TTC7A: variants seen among roughly 807,000 people sequenced by gnomAD.
TTC7A encodes tetratricopeptide repeat domain 7A.
TTC7A carries 110 observed loss-of-function variants against 103.7 expected under a neutral mutation model. The ratio of observed to expected loss-of-function variants is 1.06; its 90% CI spans 0.91 to 1.24. TTC7A has a LOEUF of 1.24. Among genes scored for constraint, TTC7A ranks in the 50% most tolerant of loss-of-function variants. The pLI is 0.00. For synonymous variants in TTC7A, 521 were observed against 467.9 expected (o/e 1.11, Z -1.47); for missense variants, 1,340 against 1,116.3 (o/e 1.20, Z -2.86).
At chr2:47,012,501 C>T (rs756423522) in intron 11 of TTC7A, among the ~76,000 whole-genome samples, 26 of 152,202 alleles carry the variant, frequency 1.7e-4, no homozygotes, top group Non-Finnish European at 3.4e-4. Flanking sequence ...CCATTGTGTG[C>T]CCAGCTTGTT....
At chr2:47,051,452 G>C (rs916224620) in intron 17 of TTC7A, among the ~76,000 whole-genome samples, 2 of 152,188 alleles carry the variant, frequency 1.3e-5, no homozygotes, top group Non-Finnish European at 2.9e-5. Flanking sequence ...GGTTATTTCT[G>C]TTGTGTTCAC....
chr2:47,048,847 C>T (rs1682585065), intron 16 of TTC7A, among the ~76,000 whole-genome samples: 1 of 152,220 alleles, frequency 6.6e-6, no homozygotes, highest in African/African-American at 2.4e-5. Context: ...AGGTGATCCT[C>T]CTGCCTCAGC....
rs1685125753 is a variant in TTC7A, at chr2:47,075,257, T to G, written c.*1334T>G. Reference sequence around the variant, plus strand: ...CACAGAGGACCCTGGATCCTTTGCCTCTTCTTGGTTGAAGGATCTCTATGT... The same window carrying G: ...CACAGAGGACCCTGGATCCTTTGCCGCTTCTTGGTTGAAGGATCTCTATGT... On this transcript the variant is annotated 3_prime_UTR_variant, in exon 20 of 20. Coordinates refer to ENST00000319190, the MANE Select transcript of TTC7A (RefSeq NM_020458.4). 6.6e-6 allele frequency: 1 copy of G among 152,244 alleles called. No homozygotes were observed. The highest frequency in any genetic ancestry group is 1.5e-5 in the Non-Finnish European group (1 of 68,044). 9.4% of individuals were successfully genotyped at this position (152,244 alleles called of 1,614,324 possible). A position where few individuals can be genotyped will look rare whatever the true frequency, so the allele number is the denominator to read the frequency against.
At chr2:47,053,546 G>GTTT (rs59251792) in intron 18 of TTC7A, among the ~76,000 whole-genome samples, 11,370 of 118,386 alleles carry the variant, frequency 0.096, 452 homozygotes, top group African/African-American at 0.11. Flanking sequence ...TTGTTTGTTT[G>GTTT]GTTGGTTGGT....
chr2:47,056,010 C>T (rs537452347), intron 18 of TTC7A, among the ~76,000 whole-genome samples: 19 of 152,008 alleles, frequency 1.2e-4, no homozygotes, highest in African/African-American at 4.3e-4. Context: ...CTTTTTCTTC[C>T]CTCCTCCCAG....
upstream of TTC7A, among the ~76,000 whole-genome samples, chr2:46,936,994 A>G (rs1670011404): frequency 6.6e-6 from 1 of 151,820 alleles, no homozygotes; most frequent in Admixed American, 6.6e-5. Flanking sequence ...AGGTGGGACC[A>G]CAGGCACCTG....
At chr2:46,967,988 A>G (rs1673004519) in intron 3 of TTC7A, among the ~76,000 whole-genome samples, 1 of 151,536 alleles carries the variant, frequency 6.6e-6, no homozygotes, top group African/African-American at 2.4e-5. Context: ...GTGCCCTTTG[A>G]CAGGCTGGGT....
At chr2:46,957,091 TC>T in intron 3 of TTC7A, 84 bp downstream of exon 3, 1 of 1,546,618 alleles carries the variant, frequency 6.5e-7, no homozygotes, top group Non-Finnish European at 8.9e-7. Flanking sequence ...TGGGCTCGTG[TC>T]CAGATTCTTC....
At chr2:46,935,305 C>A (rs1270294015) in intron 2 of TTC7A, among the ~76,000 whole-genome samples, 2 of 152,120 alleles carry the variant, frequency 1.3e-5, no homozygotes, top group African/African-American at 2.4e-5. Context: ...TTCAAGGCTG[C>A]AGTGAACTAT....
chr2:47,036,824 C>T (rs1681161784), intron 15 of TTC7A, among the ~76,000 whole-genome samples: 3 of 152,260 alleles, frequency 2.0e-5, no homozygotes. Context: ...CACTATTACA[C>T]TCCAGCTTGG....
At chr2:46,933,758 A>G (rs73926969) in intron 2 of TTC7A, among the ~76,000 whole-genome samples, 1,802 of 152,362 alleles carry the variant, frequency 0.012, 40 homozygotes, top group African/African-American at 0.04. Flanking sequence ...AGTGGCTGAA[A>G]TGACTGTTGA....
At chr2:47,016,412 C>T (rs188049793) in intron 11 of TTC7A, among the ~76,000 whole-genome samples, 71 of 152,318 alleles carry the variant, frequency 4.7e-4, no homozygotes, top group African/African-American at 1.4e-3. Context: ...GTGCCCTCAG[C>T]GCCTTCTGCT....
intron 18 of TTC7A, chr2:47,054,203 A>G (rs1004777887): frequency 1.0e-6 from 1 of 982,484 alleles, no homozygotes; most frequent in Non-Finnish European, 1.2e-6. Flanking sequence ...CATGTAGCAG[A>G]TCCAAAATAG....
intron 2 of TTC7A, among the ~76,000 whole-genome samples, chr2:46,927,254 T>C (rs1325437453): frequency 6.9e-6 from 1 of 145,274 alleles, no homozygotes; most frequent in Non-Finnish European, 1.5e-5. Flanking sequence ...GAGTGACAAA[T>C]CCCAAGCAAA....
intron 17 of TTC7A, 145 bp downstream of exon 17, chr2:47,050,191 G>T (rs1682740058): frequency 1.5e-6 from 1 of 688,736 alleles, no homozygotes; most frequent in Non-Finnish European, 2.5e-6. Context: ...GGCAACTTCT[G>T]GGGCTGATCT....
upstream of TTC7A, among the ~76,000 whole-genome samples, chr2:46,940,852 G>C (rs1048979360): frequency 1.4e-4 from 22 of 152,110 alleles, no homozygotes; most frequent in African/African-American, 5.3e-4. This position sits in a 1 kb window ranked among gnomAD's most constrained non-coding sequence, Gnocchi z 4.7. Flanking sequence ...GGGCCTGTCG[G>C]CCGGCCTCTC....
At position 46,941,507 on chromosome 2, in the gene TTC7A, T is replaced by C. The variant is rs747719385; in HGVS notation, c.-35T>C. The C allele has an allele frequency of 1.8e-5, 28 of 1,546,002 alleles. No individual in the cohort carries two copies. Among genetic ancestry groups the C allele is most frequent in the Middle Eastern group, 3.5e-4 (2 of 5,636 alleles). ...CCGCCCCCGGCCGGGTCTCCACTTCTTGGCCGCACCTTCCATGACAGCGCC... is the reference window on the plus strand; with the variant it reads ...CCGCCCCCGGCCGGGTCTCCACTTCCTGGCCGCACCTTCCATGACAGCGCC... On this transcript the variant is annotated 5_prime_UTR_variant, in exon 1 of 20. Coordinates refer to ENST00000319190, the MANE Select transcript of TTC7A (RefSeq NM_020458.4). This position sits in a 1 kb window ranked among gnomAD's most constrained non-coding sequence, Gnocchi z 4.2.
At chr2:47,051,640 A>T in intron 17 of TTC7A, 106 bp from the exon 18 acceptor site, 1 of 1,437,884 alleles carries the variant, frequency 7.0e-7, no homozygotes, top group South Asian at 1.4e-5. Context: ...CCCTACCCTG[A>T]TTCAGGGTGC....
intron 2 of TTC7A, among the ~76,000 whole-genome samples, chr2:46,951,327 A>G (rs1292040231): frequency 6.6e-6 from 1 of 152,192 alleles, no homozygotes; most frequent in African/African-American, 2.4e-5. Flanking sequence ...AAAAAAAGAA[A>G]TGCAATTAAG....
Sources: allele counts gnomAD v4.1 joint callset (sites outside exome capture counted in the v4.1 genomes callset), GRCh38; gene constraint gnomAD v4.1.1; non-coding constraint Gnocchi (gnomAD v3.1); transcripts MANE v1.5; gene names NCBI Gene and HGNC (gene_info 2026-07-23, HGNC 2026-07-21).